KIAA1549L: variants seen among roughly 807,000 people sequenced by gnomAD.
KIAA1549L encodes KIAA1549 like.
In KIAA1549L, 88 loss-of-function variants were observed where a neutral mutation model predicts 160.7. The ratio of observed to expected loss-of-function variants is 0.55; its 90% CI spans 0.46 to 0.65. KIAA1549L has a LOEUF of 0.65. Among genes scored for constraint, KIAA1549L ranks in the 30% least tolerant of loss-of-function variants. The probability of loss-of-function intolerance (pLI) is 0.00; values close to 1 mark genes in which losing one functional copy is unlikely to be tolerated. For missense variants in KIAA1549L, 2,258 were observed against 2,437.5 expected (o/e 0.93, Z 1.55); for synonymous variants, 950 against 976.7 (o/e 0.97, Z 0.51).
chr11:33,563,348 CAA>C (rs68027285), intron 8 of KIAA1549L, among the ~76,000 whole-genome samples: 22,762 of 96,038 alleles, frequency 0.24, 2,056 homozygotes, highest in East Asian at 0.36. Context: ...GACCGTGTCT[CAA>C]AAAAAAAAAA....
At chr11:33,598,176 TAGAG>T (rs768487615) in intron 12 of KIAA1549L, among the ~76,000 whole-genome samples, 22 of 140,236 alleles carry the variant, frequency 1.6e-4, no homozygotes, top group Admixed American at 3.6e-4. Flanking sequence ...GTTAGAGAGT[TAGAG>T]AGAGAATGTT....
intron 18 of KIAA1549L, 129 bp downstream of exon 18, chr11:33,656,238 A>G (rs1852060813): frequency 1.8e-5 from 12 of 680,944 alleles, no homozygotes; most frequent in South Asian, 1.7e-4. Context: ...TCACCTGTAC[A>G]GACAACCATG....
chr11:33,601,721 C>T (rs779487221), intron 13 of KIAA1549L, among the ~76,000 whole-genome samples: 21 of 152,130 alleles, frequency 1.4e-4, no homozygotes, highest in Non-Finnish European at 2.8e-4. Flanking sequence ...TAAAACTGTT[C>T]TTGTTTTCTA....
At chr11:33,388,552 C>A (rs1375271422) in intron 1 of KIAA1549L, among the ~76,000 whole-genome samples, 2 of 147,984 alleles carry the variant, frequency 1.4e-5, no homozygotes, top group African/African-American at 5.3e-5. Flanking sequence ...ATAGACGTAG[C>A]CTCAACTTAA....
intron 20 of KIAA1549L, among the ~76,000 whole-genome samples, chr11:33,665,980 A>C (rs572095983): frequency 4.4e-4 from 67 of 152,176 alleles, no homozygotes; most frequent in African/African-American, 1.6e-3. Flanking sequence ...GAAGGGGTGG[A>C]GTTCCAACTT....
intron 1 of KIAA1549L, among the ~76,000 whole-genome samples, chr11:33,480,568 G>A (rs1403460425): frequency 6.6e-6 from 1 of 152,188 alleles, no homozygotes. Context: ...TATGGTAACT[G>A]TGTGTTTGGG....
chr11:33,508,241 G>A (rs1008005600), intron 1 of KIAA1549L, among the ~76,000 whole-genome samples: 2 of 152,236 alleles, frequency 1.3e-5, no homozygotes, highest in Non-Finnish European at 2.9e-5. Context: ...CGTGCTAGAA[G>A]GGGGTTGGAC....
At position 33,542,709 on chromosome 11, in the gene KIAA1549L, T is replaced by G. The variant is rs1854066736; in HGVS notation, c.1146T>G (p.Gly382=). The part of the protein sequence containing the change: ...PSWSMLEVAS[G]PASTQQIKAG... ...GGTCAATGTTGGAAGTGGCTTCAGG[T>G]CCTGCATCCACCCAGCAGATCAAAG... Residue 382 remains glycine, a synonymous_variant, in exon 2 of 21, where the codon GGT becomes GGG. Coordinates refer to ENST00000658780, the MANE Select transcript of KIAA1549L (RefSeq NM_012194.3). The G allele has an allele frequency of 6.2e-7, 1 of 1,613,856 alleles. No individual in the cohort carries two copies. Among genetic ancestry groups the G allele is most frequent in the African/African-American group, 1.3e-5 (1 of 74,930 alleles).
At chr11:33,434,202 G>A (rs1332800992) in intron 1 of KIAA1549L, among the ~76,000 whole-genome samples, 3 of 152,060 alleles carry the variant, frequency 2.0e-5, no homozygotes, top group African/African-American at 4.8e-5. Flanking sequence ...GGAGATAATT[G>A]AATCATGGGG....
chr11:33,391,531 C>A, intron 1 of KIAA1549L, among the ~76,000 whole-genome samples: 1 of 152,306 alleles, frequency 6.6e-6, no homozygotes, highest in East Asian at 1.9e-4. Context: ...CTTCCGACGG[C>A]GTGTCTGGTG....
chr11:33,435,448 A>G (rs939347427), intron 1 of KIAA1549L, among the ~76,000 whole-genome samples: 2 of 152,128 alleles, frequency 1.3e-5, no homozygotes, highest in East Asian at 3.9e-4. Flanking sequence ...AGATGTCACC[A>G]TAGTTACAGT....
At chr11:33,416,963 G>C (rs186675664) in intron 1 of KIAA1549L, among the ~76,000 whole-genome samples, 1 of 152,108 alleles carries the variant, frequency 6.6e-6, no homozygotes, top group Non-Finnish European at 1.5e-5. Flanking sequence ...GGTGACATTA[G>C]AGGGGTCACA....
intron 8 of KIAA1549L, among the ~76,000 whole-genome samples, chr11:33,567,695 T>A (rs187120463): frequency 6.6e-6 from 1 of 152,350 alleles, no homozygotes; most frequent in East Asian, 1.9e-4. Context: ...TGTGTTCCCA[T>A]GTGGACTTTT....
At chr11:33,442,211 G>T (rs1289526707) in intron 1 of KIAA1549L, among the ~76,000 whole-genome samples, 2 of 152,184 alleles carry the variant, frequency 1.3e-5, no homozygotes, top group African/African-American at 2.4e-5. Flanking sequence ...TGTCAGGTTT[G>T]TCAAAGGTCA....
At chr11:33,501,273 G>T (rs1852942228) in intron 1 of KIAA1549L, among the ~76,000 whole-genome samples, 1 of 152,144 alleles carries the variant, frequency 6.6e-6, no homozygotes, top group South Asian at 2.1e-4. Context: ...AAATCAAATG[G>T]CTACAAATAC....
At chr11:33,578,864 T>C (rs2133257746) in intron 10 of KIAA1549L, among the ~76,000 whole-genome samples, 1 of 152,290 alleles carries the variant, frequency 6.6e-6, no homozygotes, top group African/African-American at 2.4e-5. Flanking sequence ...ATAACAGTTG[T>C]TGTCTGTCTC....
At chr11:33,531,999 G>A (rs1247903865) in intron 1 of KIAA1549L, among the ~76,000 whole-genome samples, 1 of 152,192 alleles carries the variant, frequency 6.6e-6, no homozygotes, top group Admixed American at 6.5e-5. Flanking sequence ...CTGGGAGAGT[G>A]GAGCCCGCCC....
Position 33,649,836 on chromosome 11 carries a change from G to A in KIAA1549L, c.5760+3800G>A, listed in dbSNP as rs142592462. On this transcript the variant is annotated intron_variant, in intron 17 of 20. Transcript: ENST00000658780. Reference sequence around the variant, plus strand: ...GAGCCCAGGAGTTCGAGGCTGGCCTGGGCAACACAGCACAATCCCATCTCA... The same window carrying A: ...GAGCCCAGGAGTTCGAGGCTGGCCTAGGCAACACAGCACAATCCCATCTCA... Among the ~76,000 whole-genome samples the A allele has an allele frequency of 5.2e-3, 782 of 149,222 alleles. 10 individuals are homozygous for A. The highest frequency in any genetic ancestry group is 0.018 in the African/African-American group (742 of 40,190).
intron 18 of KIAA1549L, among the ~76,000 whole-genome samples, chr11:33,658,222 C>T (rs1301385697): frequency 2.0e-5 from 3 of 152,142 alleles, no homozygotes. Context: ...TCCACTGCTC[C>T]CTGGAGCAGC....
Sources: gnomAD v4.1 joint callset for allele counts (sites outside exome capture counted in the v4.1 genomes callset) on GRCh38, gnomAD v4.1.1 for gene constraint, MANE v1.5 for transcripts, NCBI Gene and HGNC (gene_info 2026-07-23, HGNC 2026-07-21) for gene names.